The following MYO9B variants were observed in gnomAD, a reference collection of about 807,000 sequenced individuals.
The protein encoded by MYO9B is unconventional myosin-IXb.
A neutral mutation model predicts 229.5 loss-of-function variants in MYO9B; 71 were observed. The observed-to-expected ratio is 0.31, with a 90% confidence interval of 0.26 to 0.38. The LOEUF (loss-of-function observed/expected upper bound fraction) is 0.38, where lower values mean the gene tolerates loss of function less well. Among genes scored for constraint, MYO9B ranks in the 10% least tolerant of loss-of-function variants. The probability of loss-of-function intolerance (pLI) is 1.00; values close to 1 mark genes in which losing one functional copy is unlikely to be tolerated. For synonymous variants in MYO9B, 1,185 were observed against 1,235.8 expected, an observed-to-expected ratio of 0.96 and a Z score of 0.86; for missense variants, 2,255 against 2,920.5, an observed-to-expected ratio of 0.77 and a Z score of 5.25.
At chr19:17,115,439 AC>A (rs2057892513) in intron 2 of MYO9B, among the ~76,000 whole-genome samples, 1 of 147,224 alleles carries the variant, frequency 6.8e-6, no homozygotes, top group Middle Eastern at 3.6e-3. Context: ...ATGTTCCAGA[AC>A]CCCATAAAGG....
chr19:17,209,457 G>A (rs1262108117), intron 35 of MYO9B, 129 bp from the exon 36 acceptor site: 4 of 937,934 alleles, frequency 4.3e-6, no homozygotes, highest in Non-Finnish European at 6.3e-6. Flanking sequence ...TGGCACAGCC[G>A]TGTCCCAGGC....
chr19:17,089,263 G>A (rs8109776), intron 1 of MYO9B, among the ~76,000 whole-genome samples: 118 of 149,658 alleles, frequency 7.9e-4, no homozygotes, highest in African/African-American at 2.7e-3. Flanking sequence ...GCCCATGAGC[G>A]TTTCTTCTAA....
intron 2 of MYO9B, among the ~76,000 whole-genome samples, chr19:17,104,000 G>A (rs930729826): frequency 6.7e-6 from 1 of 150,244 alleles, no homozygotes; most frequent in Admixed American, 6.7e-5. Context: ...AGGTTGCAGT[G>A]AGCCAAGATC....
intron 2 of MYO9B, among the ~76,000 whole-genome samples, chr19:17,113,917 G>A (rs1319103402): frequency 6.6e-6 from 1 of 152,144 alleles, no homozygotes; most frequent in Non-Finnish European, 1.5e-5. Flanking sequence ...AACCCTTGGG[G>A]ACAGAGGCCA....
intron 14 of MYO9B, chr19:17,180,717 C>A: frequency 1.9e-6 from 1 of 526,156 alleles, no homozygotes; most frequent in South Asian, 2.6e-5. Context: ...AAGCCCTGCC[C>A]CGCTCCAGGG....
intron 10 of MYO9B, 48 bp from the exon 11 acceptor site, chr19:17,167,895 A>G (rs968127191): frequency 1.3e-6 from 2 of 1,544,018 alleles, no homozygotes; most frequent in Non-Finnish European, 1.8e-6. Context: ...TGTAGATATT[A>G]CATATCTGGG....
intron 2 of MYO9B, among the ~76,000 whole-genome samples, chr19:17,121,180 C>T (rs2057960484): frequency 6.6e-6 from 1 of 152,126 alleles, no homozygotes; most frequent in Non-Finnish European, 1.5e-5. Context: ...TGGACTCAAG[C>T]CATCCACCCA....
chr19:17,138,695 T>C (rs1429345124), intron 2 of MYO9B, among the ~76,000 whole-genome samples: 2 of 152,220 alleles, frequency 1.3e-5, no homozygotes, highest in Non-Finnish European at 2.9e-5. Flanking sequence ...TGGTTACGCA[T>C]TGCTTAACTA....
intron 35 of MYO9B, 97 bp downstream of exon 35, chr19:17,207,341 A>G (rs1334859089): frequency 6.7e-7 from 1 of 1,486,218 alleles, no homozygotes; most frequent in African/African-American, 1.4e-5. Context: ...ATGTGTAAGA[A>G]AAGTCCAGAG....
chr19:17,186,115 C>A, intron 18 of MYO9B, 114 bp downstream of exon 18: 2 of 897,370 alleles, frequency 2.2e-6, no homozygotes, highest in Non-Finnish European at 3.5e-6. Context: ...GTGCAGCAGT[C>A]CATCCAGAGG....
chr19:17,154,105 G>C (rs201537304), intron 5 of MYO9B, 39 bp downstream of exon 5: 1 of 1,568,172 alleles, frequency 6.4e-7, no homozygotes, highest in African/African-American at 1.3e-5. Context: ...CGCCACCTCT[G>C]TTCCCGGCCT....
intron 15 of MYO9B, among the ~76,000 whole-genome samples, chr19:17,182,949 T>C (rs767818433): frequency 6.6e-6 from 1 of 151,314 alleles, no homozygotes; most frequent in African/African-American, 2.4e-5. Context: ...TGAGACAGAG[T>C]CTCTCTCTGT....
intron 36 of MYO9B, 149 bp downstream of exon 36, chr19:17,209,858 GA>G: frequency 1.8e-6 from 2 of 1,120,336 alleles, no homozygotes; most frequent in Non-Finnish European, 2.5e-6. Context: ...CTCCCATGCC[GA>G]GGATGGGACC....
chr19:17,166,079 G>T lies in MYO9B; in HGVS notation c.1672-1864G>T, dbSNP rs948610382. ...TTTTCTTGAGGCAGAGTCTTGCCCT[G>T]TCATTCAGGCCGGAGTGCAATGGTG... is the stretch of plus-strand genomic sequence containing the variant. On this transcript the variant is annotated intron_variant, in intron 10 of 39. Coordinates refer to ENST00000682292, the MANE Select transcript of MYO9B (RefSeq NM_004145.4). Among the ~76,000 whole-genome samples the T allele has an allele frequency of 5.3e-5, 8 of 151,766 alleles. No individual in the cohort carries two copies. In the East Asian group the frequency reaches 1.4e-3, roughly 26 times the overall value.
At chr19:17,104,728 G>A (rs918105469) in intron 2 of MYO9B, among the ~76,000 whole-genome samples, 26 of 109,876 alleles carry the variant, frequency 2.4e-4, no homozygotes, top group African/African-American at 9.2e-4. Flanking sequence ...ACCCAGCTCC[G>A]CTTAAAAAAA....
chr19:17,142,236 G>A (rs2072350810), intron 2 of MYO9B, among the ~76,000 whole-genome samples: 1 of 151,890 alleles, frequency 6.6e-6, no homozygotes, highest in South Asian at 2.1e-4. Context: ...TGACCTCATT[G>A]ACCTGAGATA....
At chr19:17,142,465 G>A (rs1379230115) in intron 2 of MYO9B, among the ~76,000 whole-genome samples, 3 of 152,036 alleles carry the variant, frequency 2.0e-5, no homozygotes, top group Non-Finnish European at 2.9e-5. Context: ...CATGTTTTAC[G>A]CCAATTTTTT....
At chr19:17,138,929 T>C (rs957134880) in intron 2 of MYO9B, among the ~76,000 whole-genome samples, 6 of 152,080 alleles carry the variant, frequency 3.9e-5, no homozygotes, top group African/African-American at 1.4e-4. Context: ...CTCAGCACTT[T>C]GGGAGGCCAA....
intron 10 of MYO9B, among the ~76,000 whole-genome samples, chr19:17,165,604 T>A (rs2072650667): frequency 6.6e-6 from 1 of 151,792 alleles, no homozygotes; most frequent in Non-Finnish European, 1.5e-5. Context: ...ATGGAGTTTC[T>A]GCGAAAAAAA....
Sources: allele counts gnomAD v4.1 joint callset (sites outside exome capture counted in the v4.1 genomes callset), GRCh38; gene constraint gnomAD v4.1.1; transcripts MANE v1.5; gene names NCBI Gene and HGNC (gene_info 2026-07-23, HGNC 2026-07-21).